CCDC178: variants seen among roughly 807,000 people sequenced by gnomAD.
CCDC178 encodes the protein coiled-coil domain-containing protein 178.
CCDC178 carries 126 observed loss-of-function variants against 117.4 expected under a neutral mutation model. The observed-to-expected ratio is 1.07, with a 90% CI of 0.93 to 1.24. The LOEUF is 1.24. Among genes scored for constraint, CCDC178 ranks in the 50% most tolerant of loss-of-function variants. The probability of loss-of-function intolerance (pLI) is 0.00; values close to 1 mark genes in which losing one functional copy is unlikely to be tolerated. For synonymous variants in CCDC178, 283 were observed against 313.4 expected (o/e 0.90, Z 1.02); for missense variants, 1,030 against 986.9 (o/e 1.04, Z -0.59).
intron 11 of CCDC178, among the ~76,000 whole-genome samples, chr18:33,316,519 G>A (rs1599150085): frequency 6.6e-6 from 1 of 152,040 alleles, no homozygotes; most frequent in African/African-American, 2.4e-5. Context: ...GACGAGCGCC[G>A]CCCCCTGCTG....
At chr18:33,262,923 C>A (rs2059769335) in intron 14 of CCDC178, among the ~76,000 whole-genome samples, 1 of 152,138 alleles carries the variant, frequency 6.6e-6, no homozygotes, top group South Asian at 2.1e-4. Flanking sequence ...TATAGAAAGT[C>A]AGATTTTAAA....
At chr18:33,301,586 TA>T (rs1381579525) in intron 11 of CCDC178, among the ~76,000 whole-genome samples, 1 of 152,216 alleles carries the variant, frequency 6.6e-6, no homozygotes, top group African/African-American at 2.4e-5. Context: ...GTCAAGGTCT[TA>T]AAAACTGACC....
chr18:33,131,080 AG>A (rs2058064782), intron 20 of CCDC178, among the ~76,000 whole-genome samples: 2 of 151,910 alleles, frequency 1.3e-5, no homozygotes, highest in Non-Finnish European at 2.9e-5. Flanking sequence ...TTGAGTGTGG[AG>A]CTGTGAGCTA....
intron 21 of CCDC178, among the ~76,000 whole-genome samples, chr18:32,989,984 C>A (rs759358034): frequency 6.6e-5 from 10 of 152,068 alleles, no homozygotes; most frequent in Non-Finnish European, 1.3e-4. Context: ...TAATTTTATT[C>A]ACTGGAAATA....
intron 15 of CCDC178, among the ~76,000 whole-genome samples, chr18:33,234,375 G>A (rs1335882505): frequency 6.6e-6 from 1 of 151,910 alleles, no homozygotes; most frequent in African/African-American, 2.4e-5. Flanking sequence ...AAAGTATTCT[G>A]CCTATGAATG....
At chr18:33,321,368 T>C (rs888492510) in intron 11 of CCDC178, among the ~76,000 whole-genome samples, 1 of 152,142 alleles carries the variant, frequency 6.6e-6, no homozygotes, top group African/African-American at 2.4e-5. Flanking sequence ...ATCCAGAATC[T>C]ACAAAGAAAG....
At chr18:33,051,801 A>C (rs1261734058) in intron 21 of CCDC178, among the ~76,000 whole-genome samples, 1 of 152,196 alleles carries the variant, frequency 6.6e-6, no homozygotes, top group East Asian at 1.9e-4. Flanking sequence ...TAAATTTACC[A>C]ATGTATTTTA....
chr18:33,118,765 G>A (rs866310843), intron 20 of CCDC178, among the ~76,000 whole-genome samples: 28 of 152,246 alleles, frequency 1.8e-4, no homozygotes, highest in Non-Finnish European at 2.2e-4. Flanking sequence ...AAAGCTGAAG[G>A]CATCATGCTA....
intron 15 of CCDC178, among the ~76,000 whole-genome samples, chr18:33,229,119 G>A (rs2059341779): frequency 6.6e-6 from 1 of 152,268 alleles, no homozygotes; most frequent in Non-Finnish European, 1.5e-5. Context: ...ATCAACTCCT[G>A]TGGACAGGAG....
chr18:33,379,216 T>C (rs2063408430), intron 5 of CCDC178, among the ~76,000 whole-genome samples: 1 of 146,008 alleles, frequency 6.8e-6, no homozygotes. Flanking sequence ...TATTTCCATA[T>C]ATATATATAT....
At chr18:33,382,942 C>T (rs1394872614) in intron 5 of CCDC178, among the ~76,000 whole-genome samples, 1 of 152,158 alleles carries the variant, frequency 6.6e-6, no homozygotes, top group African/African-American at 2.4e-5. Flanking sequence ...CCACTGCCAG[C>T]ACAACAGTCT....
chr18:33,092,826 C>T lies in CCDC178; in HGVS notation c.2323G>A (p.Asp775Asn). Residue 775 changes from aspartate to asparagine, a missense_variant, in exon 21 of 23, where the codon GAC becomes AAC. Asp to Asn is a conservative substitution (Grantham distance 23, BLOSUM62 1). Transcript: ENST00000383096. ...QLQITFLKEKDNYFNIYDKQL... is the reference protein window; with the variant it reads ...QLQITFLKEKNNYFNIYDKQL... ...TTATCATATATATTGAAATAATTGT[C>T]CTTTTCTTTTAAGAATGTAATCTGT... 1.3e-6 allele frequency: 2 copies of T among 1,566,658 alleles called. No homozygotes were observed. Among genetic ancestry groups the T allele is most frequent in the Non-Finnish European group, 1.7e-6 (2 of 1,146,134 alleles).
chr18:33,141,825 G>T (rs2058208869), intron 20 of CCDC178, among the ~76,000 whole-genome samples: 1 of 152,148 alleles, frequency 6.6e-6, no homozygotes, highest in Non-Finnish European at 1.5e-5. Context: ...AGATGCCAAT[G>T]TAAGTTTCAT....
chr18:33,244,834 A>G (rs1273110105), intron 15 of CCDC178, among the ~76,000 whole-genome samples: 1 of 151,910 alleles, frequency 6.6e-6, no homozygotes, highest in African/African-American at 2.4e-5. Context: ...CAGGTACTCT[A>G]GAATTCAACA....
rs1292145757 is a variant in CCDC178, at chr18:33,231,731, T to A, written c.1594-4876A>T. Among the ~76,000 whole-genome samples, 7 of 152,152 alleles carry A rather than the reference T, an allele frequency of 4.6e-5. No individual in the cohort carries two copies. The East Asian group carries it at 1.4e-3, about 29-fold the overall frequency. ...CCTGCAGAACTGCCACCAGCTGGTG[T>A]GTGGGGAGGTTCTCTGCCCACAAAC... On this transcript the variant is annotated intron_variant, in intron 15 of 22. Transcript: ENST00000383096.
At chr18:32,950,181 C>T (rs1477106756) in intron 22 of CCDC178, among the ~76,000 whole-genome samples, 1 of 152,136 alleles carries the variant, frequency 6.6e-6, no homozygotes, top group Non-Finnish European at 1.5e-5. Flanking sequence ...TGTAAACCTC[C>T]AGAGAGAATC....
At chr18:33,415,070 G>T (rs572150740) in intron 2 of CCDC178, among the ~76,000 whole-genome samples, 174 of 152,220 alleles carry the variant, frequency 1.1e-3, no homozygotes, top group African/African-American at 4.1e-3. Flanking sequence ...GGAGAGGATG[G>T]GGAGAAATAG....
intron 18 of CCDC178, among the ~76,000 whole-genome samples, chr18:33,222,749 C>T (rs1026320305): frequency 6.6e-6 from 1 of 151,718 alleles, no homozygotes; most frequent in Non-Finnish European, 1.5e-5. Flanking sequence ...CTTTTTATTT[C>T]TTTTCTTCTT....
At chr18:33,271,408 A>T (rs552708262) in intron 12 of CCDC178, among the ~76,000 whole-genome samples, 59 of 151,680 alleles carry the variant, frequency 3.9e-4, no homozygotes, top group African/African-American at 1.4e-3. Context: ...AAGAAATTCC[A>T]TGCAAACAGT....
Sources: gnomAD v4.1 joint callset for allele counts (sites outside exome capture counted in the v4.1 genomes callset) on GRCh38, gnomAD v4.1.1 for gene constraint, MANE v1.5 for transcripts, NCBI Gene and HGNC (gene_info 2026-07-23, HGNC 2026-07-21) for gene names.